FAT4: variants seen among roughly 807,000 people sequenced by gnomAD.
FAT4 encodes protocadherin Fat 4.
Under a neutral mutation model 303.9 loss-of-function variants are expected in FAT4, and 84 were observed. That is an observed-to-expected ratio of 0.28 (90% CI 0.23 to 0.33). FAT4 has a LOEUF of 0.33. Ranked by LOEUF, FAT4 falls within the 10% of genes least tolerant of loss-of-function variation. The probability of loss-of-function intolerance (pLI) is 1.00; values close to 1 mark genes in which losing one functional copy is unlikely to be tolerated. For synonymous variants in FAT4, 2,307 were observed against 2,298.8 expected, an observed-to-expected ratio of 1.00 and a Z score of -0.10; for missense variants, 6,005 against 6,146.8, an observed-to-expected ratio of 0.98 and a Z score of 0.77.
chr4:125,379,345 T>G (rs1056539764), intron 2 of FAT4, among the ~76,000 whole-genome samples: 2 of 151,970 alleles, frequency 1.3e-5, no homozygotes, highest in Non-Finnish European at 2.9e-5. Context: ...AACTCTGTCT[T>G]TTATTGTAAC....
chr4:125,318,174 A>G lies in FAT4; in HGVS notation c.1763A>G (p.Tyr588Cys). ...EKPVFSQPEG[Y>C]DVSVVENAPT... ...CCAGTATTTAGCCAGCCAGAAGGGT[A>G]TGATGTGTCTGTGGTTGAGAATGCC... Residue 588 changes from tyrosine to cysteine, a missense_variant, in exon 2 of 18, where the codon TAT (tyrosine) becomes TGT (cysteine). By Grantham distance (194) the Tyr-to-Cys change is radical. Transcript: ENST00000394329. The G allele has an allele frequency of 6.2e-7, 1 of 1,614,174 alleles. No individual in the cohort carries two copies. Among genetic ancestry groups the G allele is most frequent in the Non-Finnish European group, 8.5e-7 (1 of 1,180,036 alleles).
intron 2 of FAT4, among the ~76,000 whole-genome samples, chr4:125,360,053 T>C (rs1732594584): frequency 6.6e-6 from 1 of 152,166 alleles, no homozygotes; most frequent in African/African-American, 2.4e-5. Flanking sequence ...TTCCTCTCCC[T>C]CCTGCCATTG....
At chr4:125,331,732 A>G (rs938136113) in intron 2 of FAT4, among the ~76,000 whole-genome samples, 1 of 152,204 alleles carries the variant, frequency 6.6e-6, no homozygotes, top group African/African-American at 2.4e-5. Flanking sequence ...GAATACATAG[A>G]AACTTTGAAA....
intron 2 of FAT4, among the ~76,000 whole-genome samples, chr4:125,329,998 A>G (rs773394211): frequency 2.0e-5 from 3 of 152,306 alleles, no homozygotes; most frequent in African/African-American, 4.8e-5. Flanking sequence ...CTAAGACACC[A>G]TCATTCTTCC....
At chr4:125,411,121 G>A (rs948519412) in intron 5 of FAT4, among the ~76,000 whole-genome samples, 2 of 151,944 alleles carry the variant, frequency 1.3e-5, no homozygotes, top group Non-Finnish European at 1.5e-5. Flanking sequence ...CTGATCAGAA[G>A]GTTCCAATGA....
chr4:125,486,141 T>TC (rs1299211421), intron 16 of FAT4, among the ~76,000 whole-genome samples: 55 of 137,374 alleles, frequency 4.0e-4, no homozygotes, highest in African/African-American at 1.1e-3. Context: ...AGAAGGCTTT[T>TC]CCTTTTTTTT....
chr4:125,333,505 T>C lies in FAT4; in HGVS notation c.5175+11919T>C, dbSNP rs190562011. Among the ~76,000 whole-genome samples, 7 of 152,316 alleles carry C rather than the reference T, an allele frequency of 4.6e-5. No individual in the cohort carries two copies. The East Asian group carries it at 1.3e-3, about 29-fold the overall frequency. ...TCAAAAGAGATTCCCCATTGATAAG[T>C]GCTTTTGTTTAGCTTTATTTCATGA... is the stretch of plus-strand genomic sequence containing the variant. On this transcript the variant is annotated intron_variant, in intron 2 of 17. Transcript: ENST00000394329.
rs1264855798 is a variant in FAT4 at position 125,491,578 on chromosome 4, T to A, written c.14762T>A (p.Met4921Lys). The change falls in exon 18 of 18, where the codon ATG becomes AAG. Residue 4921 changes from methionine (M) to lysine (K), a missense_variant. Transcript: ENST00000394329. The part of the protein sequence containing the change: ...APGTADNTLP[M>K]KLGQQAGTFN... ...GGCACTGCTGACAACACACTGCCCA[T>A]GAAGCTAGGGCAGCAAGCAGGGACT... The A allele has an allele frequency of 6.2e-7, 1 of 1,614,160 alleles. No individual in the cohort carries two copies. The highest frequency in any genetic ancestry group is 8.5e-7 in the Non-Finnish European group (1 of 1,180,018).
intron 2 of FAT4, among the ~76,000 whole-genome samples, chr4:125,354,557 T>C (rs929154893): frequency 3.3e-5 from 5 of 151,772 alleles, no homozygotes; most frequent in African/African-American, 1.2e-4. Context: ...ATTTAAACAA[T>C]GATAGGGTTT....
intron 2 of FAT4, among the ~76,000 whole-genome samples, chr4:125,344,938 G>A (rs1390630590): frequency 1.3e-5 from 2 of 152,064 alleles, no homozygotes; most frequent in African/African-American, 4.8e-5. Flanking sequence ...CCAAGAGAAT[G>A]AATACATTGA....
At position 125,487,604 on chromosome 4, in the gene FAT4, C is replaced by T. The variant is rs1356785773; in HGVS notation, c.13082C>T (p.Thr4361Ile). Residue 4361 changes from threonine (T) to isoleucine (I), a missense_variant and splice_region_variant, in exon 17 of 18, where the codon ACA becomes ATA. Transcript: ENST00000394329. ...AATCAAGCACATCGAGATGCCCAAA[C>T]AGGTAAATGCCTTTATTAAGTAGAG... The part of the protein sequence containing the change: ...PPNQAHRDAQ[T>I]AGFDGCIASM... The T allele has an allele frequency of 6.3e-7, 1 of 1,597,142 alleles. No individual in the cohort carries two copies. The highest frequency in any genetic ancestry group is 1.7e-5 in the Admixed American group (1 of 57,862).
In FAT4 at chr4:125,319,243, A is replaced by G. The variant is rs1560754987; in HGVS notation, c.2832A>G (p.Glu944=). The G allele has an allele frequency of 6.2e-7, 1 of 1,614,190 alleles. No homozygotes were observed. The highest frequency in any genetic ancestry group is 8.5e-7 in the Non-Finnish European group (1 of 1,180,040). The change falls in exon 2 of 18, where the codon GAA becomes GAG. Residue 944 remains glutamate (E), a synonymous_variant. Coordinates refer to ENST00000394329, the MANE Select transcript of FAT4 (RefSeq NM_001291303.3). The part of the protein sequence containing the change: ...QNPKNLFAIN[E]KNGTISLLGP... ...CCAAGAACCTGTTTGCTATCAATGA[A>G]AAGAATGGCACTATTAGTCTGCTTG...
chr4:125,395,349 G>C (rs937335572), intron 2 of FAT4, among the ~76,000 whole-genome samples: 1 of 151,980 alleles, frequency 6.6e-6, no homozygotes. Context: ...TCACTCTGTC[G>C]CTGAGGCTGG....
chr4:125,443,946 G>A (rs1243473567), intron 8 of FAT4, among the ~76,000 whole-genome samples: 1 of 152,060 alleles, frequency 6.6e-6, no homozygotes, highest in African/African-American at 2.4e-5. Context: ...TCCAACTGGT[G>A]TTATAGAACA....
chr4:125,327,508 T>C lies in FAT4; in HGVS notation c.5175+5922T>C, dbSNP rs190412567. 2.9e-3 allele frequency among the ~76,000 whole-genome samples: 439 copies of C among 152,298 alleles called. 4 individuals are homozygous for C. Among genetic ancestry groups the C allele is most frequent in the African/African-American group, 0.01 (425 of 41,566 alleles). ...TTTGATTTTGTTTCTTCCCTATTGG[T>C]ATGTTTTTAAATGTATTGAACAAAA... On this transcript the variant is annotated intron_variant, in intron 2 of 17. Transcript: ENST00000394329.
chr4:125,440,834 G>A (rs974507424), intron 8 of FAT4, among the ~76,000 whole-genome samples: 3 of 151,876 alleles, frequency 2.0e-5, no homozygotes, highest in Non-Finnish European at 4.4e-5. Flanking sequence ...TTCTCATTTT[G>A]GTTTTCTGCT....
chr4:125,489,870 T>TTTTTA (rs749054184), intron 17 of FAT4, 31 bp from the exon 18 acceptor site: 1 of 1,185,626 alleles, frequency 8.4e-7, no homozygotes, highest in Non-Finnish European at 1.1e-6. Flanking sequence ...TTTTTTTTTG[T>TTTTTA]AAAAAGCCTT....
At chr4:125,349,200 T>A (rs576347068) in intron 2 of FAT4, among the ~76,000 whole-genome samples, 1 of 151,840 alleles carries the variant, frequency 6.6e-6, no homozygotes, top group Admixed American at 6.6e-5. Flanking sequence ...AAACTGCATT[T>A]GTTTTGAATT....
intron 2 of FAT4, among the ~76,000 whole-genome samples, chr4:125,376,450 G>A (rs768814282): frequency 3.3e-5 from 5 of 152,222 alleles, no homozygotes; most frequent in East Asian, 1.9e-4. Context: ...GGCCTGTCGT[G>A]GGGTGAGGGG....
Sources: allele counts gnomAD v4.1 joint callset (sites outside exome capture counted in the v4.1 genomes callset), GRCh38; gene constraint gnomAD v4.1.1; transcripts MANE v1.5; gene names NCBI Gene and HGNC (gene_info 2026-07-23, HGNC 2026-07-21).